The following LPAR1 variants were observed in gnomAD, a reference collection of about 807,000 sequenced individuals.
The protein encoded by LPAR1 is LPA receptor 1.
LPAR1 carries 5 observed loss-of-function variants against 23.8 expected under a neutral mutation model. The ratio of observed to expected loss-of-function variants is 0.21; its 90% CI spans 0.11 to 0.44. The LOEUF (loss-of-function observed/expected upper bound fraction) is 0.44. Ranked by LOEUF, LPAR1 falls within the 20% of genes least tolerant of loss-of-function variation. LPAR1 has a pLI of 0.99. For synonymous variants in LPAR1, 160 were observed against 164.7 expected (o/e 0.97, Z 0.22); for missense variants, 311 against 482.8 (o/e 0.64, Z 3.33).
In LPAR1 at chr9:110,907,916, A is replaced by AACACACACAC. The variant is rs35043548; in HGVS notation, c.794-32204_794-32195dup. ...AAAAGAAAGACTTAACCTTTGACAA[A>AACACACACAC]ACACACACACACACACACACACACA... On this transcript the variant is annotated intron_variant, in intron 5 of 5. Transcript: ENST00000683809. Among the ~76,000 whole-genome samples the AACACACACAC allele has an allele frequency of 6.0e-3, 835 of 139,782 alleles. 4 individuals are homozygous for AACACACACAC. The highest frequency in any genetic ancestry group is 7.9e-3 in the Non-Finnish European group (507 of 64,046). 91.7% of individuals were successfully genotyped at this position (139,782 alleles called of 152,430 possible). A position where few individuals can be genotyped will look rare whatever the true frequency, so the allele number is the denominator to read the frequency against.
At chr9:110,921,109 G>C (rs751574731) in intron 5 of LPAR1, among the ~76,000 whole-genome samples, 2 of 152,044 alleles carry the variant, frequency 1.3e-5, no homozygotes, top group African/African-American at 2.4e-5. Context: ...ACTCCAGCCT[G>C]TGTGACAGAG....
At chr9:110,886,151 T>C (rs1448519642) in intron 5 of LPAR1, among the ~76,000 whole-genome samples, 2 of 148,144 alleles carry the variant, frequency 1.4e-5, no homozygotes, top group African/African-American at 2.5e-5. Context: ...TGAGCCAAGA[T>C]TGCACCATTG....
intron 2 of LPAR1, among the ~76,000 whole-genome samples, chr9:110,975,952 A>G (rs1309197263): frequency 6.6e-6 from 1 of 152,226 alleles, no homozygotes; most frequent in African/African-American, 2.4e-5. Flanking sequence ...CATAACTTCA[A>G]AGGTATAAAT....
intron 2 of LPAR1, among the ~76,000 whole-genome samples, chr9:111,021,295 C>T (rs2097555742): frequency 6.6e-6 from 1 of 152,024 alleles, no homozygotes; most frequent in Non-Finnish European, 1.5e-5. Flanking sequence ...TACAGTTTTG[C>T]TTGTCATTAT....
At chr9:110,951,084 T>C (rs971331682) in intron 4 of LPAR1, among the ~76,000 whole-genome samples, 3 of 152,192 alleles carry the variant, frequency 2.0e-5, no homozygotes, top group African/African-American at 4.8e-5. Context: ...ATGAGAGATA[T>C]GATTTTACCC....
intron 2 of LPAR1, among the ~76,000 whole-genome samples, chr9:111,028,034 T>C (rs2097728512): frequency 6.6e-6 from 1 of 152,092 alleles, no homozygotes; most frequent in African/African-American, 2.4e-5. Context: ...TTTAATGGCC[T>C]GTGTACATAC....
At chr9:110,901,633 G>T (rs2089044266) in intron 5 of LPAR1, among the ~76,000 whole-genome samples, 1 of 152,106 alleles carries the variant, frequency 6.6e-6, no homozygotes, top group South Asian at 2.1e-4. Flanking sequence ...CCACCTCCAT[G>T]ATTCAATTAC....
chr9:110,936,627 G>C (rs1301418139), intron 5 of LPAR1, among the ~76,000 whole-genome samples: 1 of 152,180 alleles, frequency 6.6e-6, no homozygotes, highest in East Asian at 1.9e-4. Flanking sequence ...GAGAATGTAA[G>C]ACATAAGGAG....
intron 5 of LPAR1, among the ~76,000 whole-genome samples, chr9:110,895,540 T>C (rs2086028681): frequency 6.6e-6 from 1 of 152,176 alleles, no homozygotes; most frequent in South Asian, 2.1e-4. Flanking sequence ...CTAGTTGAGA[T>C]GTTTGAGGAA....
chr9:110,885,179 T>C (rs1357557571), intron 5 of LPAR1, among the ~76,000 whole-genome samples: 2 of 152,360 alleles, frequency 1.3e-5, no homozygotes, highest in East Asian at 1.9e-4. Flanking sequence ...AATTAGAGTT[T>C]ATTTGACGTT....
At chr9:110,967,973 CCAT>C (rs1347102956) in intron 4 of LPAR1, among the ~76,000 whole-genome samples, 2 of 152,288 alleles carry the variant, frequency 1.3e-5, no homozygotes, top group African/African-American at 4.8e-5. Context: ...AGTTCCCCAA[CCAT>C]CAGAGGCTGC....
intron 5 of LPAR1, among the ~76,000 whole-genome samples, chr9:110,921,797 C>T (rs574728459): frequency 4.1e-4 from 62 of 152,216 alleles, no homozygotes; most frequent in African/African-American, 1.4e-3. Flanking sequence ...GCAGGGAGAC[C>T]GCCACAGACA....
chr9:110,901,647 C>T (rs1316474317), intron 5 of LPAR1, among the ~76,000 whole-genome samples: 1 of 152,084 alleles, frequency 6.6e-6, no homozygotes, highest in African/African-American at 2.4e-5. Context: ...CAATTACCTC[C>T]CACCAGGTAC....
intron 5 of LPAR1, among the ~76,000 whole-genome samples, chr9:110,933,061 A>C (rs2094499765): frequency 6.6e-6 from 1 of 152,252 alleles, no homozygotes; most frequent in Admixed American, 6.5e-5. Flanking sequence ...AGCAGATCAG[A>C]ACTATTAGCA....
intron 2 of LPAR1, among the ~76,000 whole-genome samples, chr9:110,974,153 C>T (rs546656626): frequency 1.9e-4 from 13 of 70,146 alleles, no homozygotes; most frequent in East Asian, 4.4e-4. Context: ...AGCAAGACTC[C>T]GTCTCAAAAA....
intron 5 of LPAR1, among the ~76,000 whole-genome samples, chr9:110,893,930 A>G (rs2085391600): frequency 6.6e-6 from 1 of 152,210 alleles, no homozygotes; most frequent in Admixed American, 6.5e-5. Context: ...GACTTTGATA[A>G]TGATATTGAT....
At chr9:110,935,366 G>A (rs2094629103) in intron 5 of LPAR1, among the ~76,000 whole-genome samples, 1 of 151,540 alleles carries the variant, frequency 6.6e-6, no homozygotes, top group African/African-American at 2.4e-5. Flanking sequence ...TAATTTTTAG[G>A]GATCCTTTCA....
At chr9:110,901,500 G>C (rs1277900119) in intron 5 of LPAR1, among the ~76,000 whole-genome samples, 1 of 152,194 alleles carries the variant, frequency 6.6e-6, no homozygotes, top group African/African-American at 2.4e-5. Flanking sequence ...AACCATGGTG[G>C]AAGAGCAAGG....
At position 110,992,776 on chromosome 9, in the gene LPAR1, T is replaced by A. The variant is rs145248610; in HGVS notation, c.-181-19218A>T. On this transcript the variant is annotated intron_variant, in intron 2 of 5. Coordinates refer to ENST00000683809, the MANE Select transcript of LPAR1 (RefSeq NM_001351411.2). The stretch of plus-strand genomic sequence containing the variant: ...TTCCATTATATAAAACTGTAGAAAA[T>A]GCAAACTAATTTATAGTGACCAAAA... 2.6e-3 allele frequency among the ~76,000 whole-genome samples: 399 copies of A among 152,164 alleles called. 2 individuals carry two copies. The highest frequency in any genetic ancestry group is 9.0e-3 in the African/African-American group (373 of 41,522).
Sources: allele counts gnomAD v4.1 joint callset (sites outside exome capture counted in the v4.1 genomes callset), GRCh38; gene constraint gnomAD v4.1.1; transcripts MANE v1.5; gene names NCBI Gene and HGNC (gene_info 2026-07-23, HGNC 2026-07-21).